The following GMDS variants were observed in gnomAD, a reference collection of about 807,000 sequenced individuals.
GMDS encodes GDP-mannose 4,6 dehydratase.
In GMDS, 20 loss-of-function variants were observed where a neutral mutation model predicts 49.9. That is an observed-to-expected ratio of 0.40 (90% confidence interval 0.28 to 0.58). The LOEUF is 0.58. Among genes scored for constraint, GMDS ranks in the 20% least tolerant of loss-of-function variants. The pLI is 0.42. For synonymous variants in GMDS, 177 were observed against 178.6 expected (o/e 0.99, Z 0.07); for missense variants, 362 against 481.4 (o/e 0.75, Z 2.32).
chr6:2,185,415 C>A (rs777102582), intron 1 of GMDS, among the ~76,000 whole-genome samples: 1 of 152,304 alleles, frequency 6.6e-6, no homozygotes, highest in South Asian at 2.1e-4. Flanking sequence ...TTGTATTGTA[C>A]ACCAACCAAA....
chr6:1,949,292 A>G (rs192521630), intron 6 of GMDS, among the ~76,000 whole-genome samples: 1 of 152,338 alleles, frequency 6.6e-6, no homozygotes, highest in Non-Finnish European at 1.5e-5. Flanking sequence ...AGATGCAGAA[A>G]CTGAGATCTG....
chr6:1,902,748 A>T (rs1245580977), intron 7 of GMDS, among the ~76,000 whole-genome samples: 1 of 152,242 alleles, frequency 6.6e-6, no homozygotes, highest in East Asian at 1.9e-4. Context: ...ACATTTAAAT[A>T]TCTGGGTCAA....
intron 9 of GMDS, among the ~76,000 whole-genome samples, chr6:1,722,801 G>C (rs995880602): frequency 3.3e-5 from 5 of 152,182 alleles, no homozygotes; most frequent in Non-Finnish European, 7.4e-5. Flanking sequence ...ATAAATCTGT[G>C]CATCAGTGTA....
At chr6:2,180,963 C>A (rs759745749) in intron 1 of GMDS, among the ~76,000 whole-genome samples, 1 of 151,810 alleles carries the variant, frequency 6.6e-6, no homozygotes. Context: ...GTCAGGAGAT[C>A]GAGACCATCC....
At chr6:1,870,445 C>T (rs996641555) in intron 7 of GMDS, among the ~76,000 whole-genome samples, 1 of 152,080 alleles carries the variant, frequency 6.6e-6, no homozygotes, top group Non-Finnish European at 1.5e-5. Flanking sequence ...CTTCCTCCCC[C>T]ACCCCAGCCC....
At chr6:1,769,874 G>C (rs1420816486) in intron 7 of GMDS, among the ~76,000 whole-genome samples, 2 of 151,942 alleles carry the variant, frequency 1.3e-5, no homozygotes, top group African/African-American at 4.8e-5. Flanking sequence ...TTATGGGCGT[G>C]GACCACCAGG....
In GMDS at chr6:1,810,987, G is replaced by GT. The variant is rs113696746; in HGVS notation, c.772-68402dup. On this transcript the variant is annotated intron_variant, in intron 7 of 10. Coordinates refer to ENST00000380815, the MANE Select transcript of GMDS (RefSeq NM_001500.4). ...AGGCATGAGCTTGTCTTTTCTCCTA[G>GT]TTTTTTTTTTCCCTCTCCCAGTATT... Among the ~76,000 whole-genome samples, 633 of 149,544 alleles carry GT rather than the reference G, an allele frequency of 4.2e-3. 3 individuals carry two copies. Among genetic ancestry groups the GT allele is most frequent in the African/African-American group, 0.013 (545 of 40,870 alleles).
chr6:1,926,783 A>G (rs2113917843), intron 7 of GMDS, among the ~76,000 whole-genome samples: 1 of 152,368 alleles, frequency 6.6e-6, no homozygotes, highest in South Asian at 2.1e-4. Flanking sequence ...AACGTAATTT[A>G]GACTTTGTTC....
At chr6:1,938,935 C>T (rs2127256860) in intron 6 of GMDS, among the ~76,000 whole-genome samples, 2 of 150,284 alleles carry the variant, frequency 1.3e-5, no homozygotes, top group South Asian at 2.1e-4. Flanking sequence ...TCCTTCTTCC[C>T]TTCCTTCCTC....
chr6:1,818,465 A>G (rs1333911293), intron 7 of GMDS, among the ~76,000 whole-genome samples: 3 of 151,880 alleles, frequency 2.0e-5, no homozygotes, highest in Non-Finnish European at 4.4e-5. Context: ...AAAATTAGCC[A>G]GGCGTGGTGG....
intron 4 of GMDS, among the ~76,000 whole-genome samples, chr6:2,095,801 T>C (rs6914086): frequency 0.57 from 87,351 of 152,036 alleles, 25,322 homozygotes; most frequent in East Asian, 0.7. Flanking sequence ...ATATATCTAA[T>C]GTGCTGGATG....
intron 9 of GMDS, among the ~76,000 whole-genome samples, chr6:1,672,481 A>G (rs1764462777): frequency 6.6e-6 from 1 of 152,228 alleles, no homozygotes; most frequent in South Asian, 2.1e-4. Context: ...TTCCCGCTCT[A>G]TGTCTAACAT....
chr6:2,234,541 G>A (rs559114993), intron 1 of GMDS, among the ~76,000 whole-genome samples: 39 of 152,110 alleles, frequency 2.6e-4, no homozygotes, highest in Middle Eastern at 3.4e-3. Flanking sequence ...CCCAGGAGGC[G>A]GAGGTTGCAG....
chr6:1,676,886 A>T (rs1363439869), intron 9 of GMDS, among the ~76,000 whole-genome samples: 3 of 152,188 alleles, frequency 2.0e-5, no homozygotes, highest in Non-Finnish European at 2.9e-5. Context: ...GGACTTCATG[A>T]CTAAAACACC....
intron 4 of GMDS, among the ~76,000 whole-genome samples, chr6:2,015,460 T>C (rs1309405189): frequency 2.6e-5 from 4 of 152,238 alleles, no homozygotes; most frequent in South Asian, 2.1e-4. Context: ...TTTTAACTAA[T>C]AAAAGTAAAA....
At chr6:2,003,769 T>C (rs990269624) in intron 4 of GMDS, among the ~76,000 whole-genome samples, 1 of 152,112 alleles carries the variant, frequency 6.6e-6, no homozygotes, top group Admixed American at 6.6e-5. Context: ...AACTGACACC[T>C]TTCAAAGGTC....
chr6:2,004,218 T>C (rs1013799429), intron 4 of GMDS, among the ~76,000 whole-genome samples: 10 of 152,248 alleles, frequency 6.6e-5, no homozygotes, highest in African/African-American at 2.2e-4. Flanking sequence ...AAAGTACTTA[T>C]TGGTCATACA....
chr6:2,173,872 A>T (rs958883017), intron 1 of GMDS, among the ~76,000 whole-genome samples: 2 of 152,232 alleles, frequency 1.3e-5, no homozygotes, highest in African/African-American at 4.8e-5. Context: ...CAAGCATCTG[A>T]GTAACATTTC....
chr6:1,855,890 C>A (rs978278631), intron 7 of GMDS, among the ~76,000 whole-genome samples: 2 of 152,140 alleles, frequency 1.3e-5, no homozygotes, highest in Non-Finnish European at 2.9e-5. Context: ...CACAAACACA[C>A]GTATGGATGG....
Sources: gnomAD v4.1 joint callset for allele counts (sites outside exome capture counted in the v4.1 genomes callset) on GRCh38, gnomAD v4.1.1 for gene constraint, MANE v1.5 for transcripts, NCBI Gene and HGNC (gene_info 2026-07-23, HGNC 2026-07-21) for gene names.